GBE1: variants seen among roughly 807,000 people sequenced by gnomAD.
GBE1 encodes the protein 1,4-alpha-glucan-branching enzyme.
Under a neutral mutation model 88.8 loss-of-function variants are expected in GBE1, and 70 were observed. That is an observed-to-expected ratio of 0.79 (90% confidence interval 0.65 to 0.96). GBE1 has a LOEUF of 0.96. Ranked by LOEUF, GBE1 falls within the 40% of genes least tolerant of loss-of-function variation. The probability of loss-of-function intolerance (pLI) is 0.00; values close to 1 mark genes in which losing one functional copy is unlikely to be tolerated. For synonymous variants in GBE1, 284 were observed against 300.1 expected, an observed-to-expected ratio of 0.95 and a Z score of 0.56; for missense variants, 872 against 871.0, an observed-to-expected ratio of 1.00 and a Z score of -0.01.
rs201246729 is a variant in GBE1 at position 81,512,922 on chromosome 3, G to GA, written c.1935-13696dup. Among the ~76,000 whole-genome samples the GA allele has an allele frequency of 3.9e-3, 583 of 151,128 alleles. 3 individuals carry two copies. The highest frequency in any genetic ancestry group is 5.7e-3 in the African/African-American group (237 of 41,292). On this transcript the variant is annotated intron_variant, in intron 14 of 15. Transcript: ENST00000429644. ...GACTAATTAAATTCTCATAAAAATT[G>GA]AAAAAAAATAAGCTTATATATATCT...
intron 12 of GBE1, among the ~76,000 whole-genome samples, chr3:81,562,229 T>C (rs1396953513): frequency 6.6e-6 from 1 of 152,078 alleles, no homozygotes; most frequent in African/African-American, 2.4e-5. Context: ...TTAAGTAATT[T>C]GTAACATTGG....
intron 1 of GBE1, among the ~76,000 whole-genome samples, chr3:81,751,260 T>C (rs893899153): frequency 3.9e-5 from 6 of 152,192 alleles, no homozygotes; most frequent in Admixed American, 6.5e-5. Flanking sequence ...TGTGCATAGA[T>C]GTGATTTTAG....
At chr3:81,515,757 C>T (rs190381083) in intron 14 of GBE1, among the ~76,000 whole-genome samples, 32 of 151,668 alleles carry the variant, frequency 2.1e-4, no homozygotes, top group African/African-American at 6.5e-4. Flanking sequence ...CTCTAGTGAA[C>T]GCATGAGTGA....
chr3:81,716,214 G>A (rs183981445), intron 1 of GBE1, among the ~76,000 whole-genome samples: 6 of 152,222 alleles, frequency 3.9e-5, no homozygotes, highest in Admixed American at 2.0e-4. Context: ...TTAGTCTAAA[G>A]TTAAGTGCAA....
At chr3:81,594,809 G>C (rs373156279) in intron 7 of GBE1, among the ~76,000 whole-genome samples, 6 of 151,840 alleles carry the variant, frequency 4.0e-5, no homozygotes, top group African/African-American at 4.8e-5. Flanking sequence ...TGAAATAAAG[G>C]CATCATCAAT....
chr3:81,495,822 C>G (rs965795130), intron 15 of GBE1, among the ~76,000 whole-genome samples: 10 of 152,098 alleles, frequency 6.6e-5, no homozygotes, highest in Admixed American at 5.9e-4. Flanking sequence ...TATGCCAAAT[C>G]CTGTATTTAA....
In GBE1 at chr3:81,625,626, G is replaced by A. The variant is rs140526251; in HGVS notation, c.992+17155C>T. Among the ~76,000 whole-genome samples, 31 of 152,164 alleles carry A rather than the reference G, an allele frequency of 2.0e-4. 1 individual carries two copies. The highest frequency in any genetic ancestry group is 1.6e-3 in the Admixed American group (24 of 15,278). On this transcript the variant is annotated intron_variant, in intron 7 of 15. Coordinates refer to ENST00000429644, the MANE Select transcript of GBE1 (RefSeq NM_000158.4). ...GTAATTTCATTTTAATTTTGTTGTAGAGAAAGGGTTTCGCTATGTTACCTA... is the reference window on the plus strand; with the variant it reads ...GTAATTTCATTTTAATTTTGTTGTAAAGAAAGGGTTTCGCTATGTTACCTA...
At chr3:81,725,411 G>A (rs142130685) in intron 1 of GBE1, among the ~76,000 whole-genome samples, 1 of 152,018 alleles carries the variant, frequency 6.6e-6, no homozygotes, top group Non-Finnish European at 1.5e-5. Context: ...CCCACTGGAA[G>A]GTCTTCAGGA....
intron 7 of GBE1, among the ~76,000 whole-genome samples, chr3:81,626,115 G>A (rs1321476782): frequency 6.6e-6 from 1 of 152,190 alleles, no homozygotes; most frequent in Admixed American, 6.5e-5. Flanking sequence ...GCACTGCTCA[G>A]TAAGGAGCAG....
At chr3:81,727,848 T>C (rs1706134221) in intron 1 of GBE1, among the ~76,000 whole-genome samples, 2 of 152,322 alleles carry the variant, frequency 1.3e-5, no homozygotes, top group South Asian at 4.1e-4. Flanking sequence ...AATTCCAGCC[T>C]GTCCTGATGG....
chr3:81,731,052 A>G (rs1706178500), intron 1 of GBE1, among the ~76,000 whole-genome samples: 1 of 152,178 alleles, frequency 6.6e-6, no homozygotes, highest in South Asian at 2.1e-4. Flanking sequence ...AAAAGGTAAT[A>G]TAGGCTGAGA....
At chr3:81,671,692 T>C (rs193219028) in intron 2 of GBE1, among the ~76,000 whole-genome samples, 139 of 152,226 alleles carry the variant, frequency 9.1e-4, no homozygotes, top group South Asian at 5.4e-3. Context: ...TTATACATGA[T>C]AGGCAGAACC....
intron 7 of GBE1, among the ~76,000 whole-genome samples, chr3:81,609,460 T>C (rs1704144051): frequency 6.6e-6 from 1 of 152,190 alleles, no homozygotes. Flanking sequence ...AGTCAGATTT[T>C]ACTCTCAGAC....
chr3:81,757,507 G>A (rs1399713694), intron 1 of GBE1, among the ~76,000 whole-genome samples: 1 of 152,206 alleles, frequency 6.6e-6, no homozygotes, highest in Non-Finnish European at 1.5e-5. Context: ...AACCATACTA[G>A]AGATGCTAGC....
At chr3:81,499,069 T>A in intron 15 of GBE1, 41 bp downstream of exon 15, 1 of 1,020,656 alleles carries the variant, frequency 9.8e-7, no homozygotes. Flanking sequence ...AATAAAAGAG[T>A]AAATTAAAAT....
intron 7 of GBE1, among the ~76,000 whole-genome samples, chr3:81,595,450 A>G (rs1703944469): frequency 6.6e-6 from 1 of 151,898 alleles, no homozygotes; most frequent in Admixed American, 6.6e-5. Context: ...AGGAAGATAC[A>G]GAGAGTTCCC....
chr3:81,719,407 G>C (rs993379241), intron 1 of GBE1, among the ~76,000 whole-genome samples: 2 of 151,772 alleles, frequency 1.3e-5, no homozygotes, highest in African/African-American at 4.8e-5. Flanking sequence ...AGTAGAGATG[G>C]GGTTTTGACA....
chr3:81,750,871 G>A (rs554363261), intron 1 of GBE1, among the ~76,000 whole-genome samples: 1 of 150,672 alleles, frequency 6.6e-6, no homozygotes, highest in East Asian at 2.0e-4. Flanking sequence ...AGTAGAGGCA[G>A]GTTTCACCAT....
At chr3:81,660,285 A>G (rs1267586209) in intron 3 of GBE1, among the ~76,000 whole-genome samples, 1 of 152,202 alleles carries the variant, frequency 6.6e-6, no homozygotes, top group East Asian at 1.9e-4. Flanking sequence ...GATGGGAAGA[A>G]ACAGTGGTAA....
Sources: allele counts gnomAD v4.1 joint callset (sites outside exome capture counted in the v4.1 genomes callset), GRCh38; gene constraint gnomAD v4.1.1; transcripts MANE v1.5; gene names NCBI Gene and HGNC (gene_info 2026-07-23, HGNC 2026-07-21).